Variants in REG3A observed in about 807,000 individuals in gnomAD.
REG3A encodes regenerating family member 3 alpha, also known as regenerating islet-derived protein 3-alpha.
A neutral mutation model predicts 20.5 loss-of-function variants in REG3A; 15 were observed. The observed-to-expected ratio is 0.73, with a 90% CI of 0.49 to 1.12. The LOEUF (loss-of-function observed/expected upper bound fraction) is 1.12, where lower values mean the gene tolerates loss of function less well. REG3A is among the 50% of genes most tolerant of loss of function. The probability of loss-of-function intolerance (pLI) is 0.00; values close to 1 mark genes in which losing one functional copy is unlikely to be tolerated. For synonymous variants in REG3A, 93 were observed against 83.2 expected (o/e 1.12, Z -0.64); for missense variants, 224 against 213.1 (o/e 1.05, Z -0.32).
chr2:79,157,865 T>C (rs1302762002), intron 4 of REG3A, among the ~76,000 whole-genome samples, 167 bp from the exon 5 acceptor site: 1 of 152,206 alleles, frequency 6.6e-6, no homozygotes, highest in Non-Finnish European at 1.5e-5. Flanking sequence ...CTCATTGCTA[T>C]TGGAAAATTC....
rs796726698 is a variant in REG3A, at chr2:79,159,110, G to GTGTATATT, written c.76+219_76+220insAATATACA. 11 of 596,822 alleles carry GTGTATATT rather than the reference G, an allele frequency of 1.8e-5. No individual in the cohort carries two copies. In the East Asian group the frequency reaches 2.0e-4, roughly 11 times the overall value. The allele number at this position is 596,822 out of a possible 1,614,324, so 37.0% of individuals were successfully genotyped here. A position where few individuals can be genotyped will look rare whatever the true frequency, so the allele number is the denominator to read the frequency against. On this transcript the variant is annotated intron_variant, in intron 2 of 5. Coordinates refer to ENST00000305165, the MANE Select transcript of REG3A (RefSeq NM_002580.3). ...CACTTTCCCACCAGTGTATATTAGA[G>GTGTATATT]TCCACTGACTAAATGGAAGCCATCT...
Position 79,158,740 on chromosome 2 carries a change from C to T in REG3A, c.106G>A (p.Ala36Thr), listed in dbSNP as rs879246680. 1.2e-6 allele frequency: 2 copies of T among 1,612,092 alleles called. No individual in the cohort carries two copies. The highest frequency in any genetic ancestry group is 1.7e-6 in the Non-Finnish European group (2 of 1,179,380). ...GAGCCTTTGGGACAGCGGATCCGTG[C>T]AGAGGGCAGTTCCCTCTGGGGTTCT... is the stretch of plus-strand genomic sequence containing the variant. ...GEEPQRELPS[A>T]RIRCPKGSKA... is the part of the protein sequence containing the mutation. The change falls in exon 3 of 6, where the codon GCA becomes ACA. Residue 36 changes from alanine to threonine, a missense_variant. Transcript: ENST00000305165.
At chr2:79,158,602 C>T (rs202236751) in intron 3 of REG3A, 49 bp downstream of exon 3, 667 of 1,607,620 alleles carry the variant, frequency 4.1e-4, no homozygotes, top group Non-Finnish European at 5.4e-4. Context: ...AATGGAGACC[C>T]TCCTCCCCCT....
At position 79,159,385 on chromosome 2, in the gene REG3A, C is replaced by T; in HGVS notation, c.21G>A (p.Leu7=). The T allele has an allele frequency of 6.2e-7, 1 of 1,613,896 alleles. No individual in the cohort carries two copies. The highest frequency in any genetic ancestry group is 1.1e-5 in the South Asian group (1 of 91,050). The part of the protein sequence containing the change: MLPPMA[L]PSVSWMLLSC... ...AAAGCAGCATCCAAGATACACTGGG[C>T]AGGGCCATGGGAGGCAGCATAGTGT... The change falls in exon 2 of 6, where the codon CTG becomes CTA. Residue 7 remains leucine (L), a synonymous_variant. Coordinates refer to ENST00000305165, the MANE Select transcript of REG3A (RefSeq NM_002580.3).
chr2:79,159,513 C>T (rs1673400237), intron 1 of REG3A, 74 bp from the exon 2 acceptor site: 1 of 1,060,852 alleles, frequency 9.4e-7, no homozygotes, highest in South Asian at 1.4e-5. Flanking sequence ...CTCTAGTCCC[C>T]TAGGACTAAA....
At chr2:79,159,075 T>C (rs1673387149) in intron 2 of REG3A, 2 of 582,904 alleles carry the variant, frequency 3.4e-6, no homozygotes, top group South Asian at 4.1e-5. Context: ...CTCCAGTGTA[T>C]ATTAGAGTCC....
chr2:79,159,163 A>G, intron 2 of REG3A, 167 bp downstream of exon 2: 2 of 680,130 alleles, frequency 2.9e-6, no homozygotes, highest in Non-Finnish European at 5.1e-6. Flanking sequence ...ACCACCATGG[A>G]GCCTCCCACT....
chr2:79,157,300 A>G lies in REG3A; in HGVS notation c.461-7T>C. 1 of 1,612,784 alleles carries G rather than the reference A, an allele frequency of 6.2e-7. No individual in the cohort carries two copies. Among genetic ancestry groups the G allele is most frequent in the Non-Finnish European group, 8.5e-7 (1 of 1,178,910 alleles). ...TCTTTCCACCTCAGAAATGCTGGAG[A>G]GACAGAAGACATAAATGGAATGGGG... On this transcript the variant is annotated splice_region_variant and splice_polypyrimidine_tract_variant and intron_variant, in intron 5 of 5. Transcript: ENST00000305165.
rs767560114 is a variant in REG3A at position 79,159,331 on chromosome 2, T to G, written c.75A>C (p.Gln25His). Residue 25 changes from glutamine to histidine, a missense_variant and splice_region_variant, in exon 2 of 6, where the codon CAA becomes CAC. Transcript: ENST00000305165. ...LSCLMLLSQV[Q>H]GEEPQRELPS... is the part of the protein sequence containing the mutation. ...GTGCTAGAGGCAAAGCAATCTCACC[T>G]TGAACCTGAGACAGCAGCATGAGGC... 6.2e-5 allele frequency: 100 copies of G among 1,613,724 alleles called. No individual in the cohort carries two copies. The highest frequency in any genetic ancestry group is 7.9e-5 in the Non-Finnish European group (93 of 1,179,952).
intron 3 of REG3A, 53 bp from the exon 4 acceptor site, chr2:79,158,516 G>A: frequency 1.9e-6 from 3 of 1,610,708 alleles, no homozygotes; most frequent in East Asian, 4.5e-5. Flanking sequence ...CTGAGGGAGG[G>A]CAGGGCAAAG....
At chr2:79,157,894 C>G (rs1165249698) in intron 4 of REG3A, among the ~76,000 whole-genome samples, 196 bp from the exon 5 acceptor site, 1 of 152,102 alleles carries the variant, frequency 6.6e-6, no homozygotes, top group Admixed American at 6.5e-5. Context: ...AAACATAAGA[C>G]CTTTGGAACA....
chr2:79,157,542 C>T (rs1673341314), intron 5 of REG3A, 30 bp downstream of exon 5: 3 of 1,609,536 alleles, frequency 1.9e-6, no homozygotes, highest in Non-Finnish European at 1.7e-6. Flanking sequence ...ATGGAAAACA[C>T]TGGGAAGAGG....
rs1164294609 is a variant in REG3A, at chr2:79,158,463, G to T, written c.196C>A (p.Leu66Met). Residue 66 changes from leucine to methionine, a missense_variant and splice_region_variant, in exon 4 of 6, where the codon CTG becomes ATG. Physicochemically the swap from Leu to Met is conservative, Grantham distance 15. Coordinates refer to ENST00000305165, the MANE Select transcript of REG3A (RefSeq NM_002580.3). ...CCAGAGGGCCGCTTCTGGCAGGCCA[G>T]CTTTGAGGGCAACAAAGAGAATGAG... ...LSPKSWTDAD[L>M]ACQKRPSGNL... The T allele has an allele frequency of 1.2e-6, 2 of 1,614,042 alleles. No homozygotes were observed. The highest frequency in any genetic ancestry group is 1.7e-6 in the Non-Finnish European group (2 of 1,179,926).
intron 4 of REG3A, 38 bp from the exon 5 acceptor site, chr2:79,157,736 C>T: frequency 3.8e-6 from 6 of 1,599,804 alleles, no homozygotes; most frequent in Non-Finnish European, 5.1e-6. Context: ...AAGGGAATGG[C>T]CATTGCAGCT....
At chr2:79,158,270 G>T (rs752938195) in intron 4 of REG3A, 56 bp downstream of exon 4, 10 of 1,581,246 alleles carry the variant, frequency 6.3e-6, no homozygotes, top group Non-Finnish European at 8.6e-6. Context: ...CAGGGAGTGG[G>T]CCTGGGCAAC....
At chr2:79,157,817 C>T (rs768362016) in intron 4 of REG3A, 119 bp from the exon 5 acceptor site, 7 of 1,308,146 alleles carry the variant, frequency 5.4e-6, no homozygotes, top group Non-Finnish European at 7.4e-6. Context: ...TCTGCTATTC[C>T]AGATGCTGCC....
chr2:79,157,150 A>T lies in REG3A; in HGVS notation c.*76T>A, dbSNP rs1558557421. On this transcript the variant is annotated 3_prime_UTR_variant, in exon 6 of 6. Coordinates refer to ENST00000305165, the MANE Select transcript of REG3A (RefSeq NM_002580.3). ...GGGAATTAAGCGAATATTCTCTTCC[A>T]GGGTGAGTCCTCACACTGGTCTCAT... 1.8e-6 allele frequency: 2 copies of T among 1,128,102 alleles called. No homozygotes were observed. The highest frequency in any genetic ancestry group is 1.7e-5 in the Admixed American group (1 of 58,854). The allele number at this position is 1,128,102 out of a possible 1,614,324, so 69.9% of individuals were successfully genotyped here. A position where few individuals can be genotyped will look rare whatever the true frequency, so the allele number is the denominator to read the frequency against.
rs868830897 is a variant in REG3A at position 79,157,013 on chromosome 2, T to C, written c.*213A>G. 2 of 589,698 alleles carry C rather than the reference T, an allele frequency of 3.4e-6. No homozygotes were observed. Among genetic ancestry groups the C allele is most frequent in the Non-Finnish European group, 6.0e-6 (2 of 333,782 alleles). 36.5% of individuals were successfully genotyped at this position (589,698 alleles called of 1,614,324 possible). On this transcript the variant is annotated 3_prime_UTR_variant, in exon 6 of 6. Coordinates refer to ENST00000305165, the MANE Select transcript of REG3A (RefSeq NM_002580.3). ...ATATACAAGACAAACAAGTGCAGAC[T>C]AAAAATTTTATTGCTCTTTAAAGCC...
chr2:79,158,449 C>T lies in REG3A; in HGVS notation c.210G>A (p.Lys70=), dbSNP rs1673366399. 2 of 1,614,166 alleles carry T rather than the reference C, an allele frequency of 1.2e-6. No homozygotes were observed. The highest frequency in any genetic ancestry group is 1.7e-6 in the Non-Finnish European group (2 of 1,179,996). The change falls in exon 4 of 6, where the codon AAG becomes AAA. Residue 70 remains lysine (K), a synonymous_variant. Transcript: ENST00000305165. ...CAGACACCAGGTTTCCAGAGGGCCG[C>T]TTCTGGCAGGCCAGCTTTGAGGGCA... The part of the protein sequence containing the change: ...SWTDADLACQ[K]RPSGNLVSVL...
Sources: allele counts gnomAD v4.1 joint callset (sites outside exome capture counted in the v4.1 genomes callset), GRCh38; gene constraint gnomAD v4.1.1; transcripts MANE v1.5; gene names NCBI Gene and HGNC (gene_info 2026-07-23, HGNC 2026-07-21).